The following ZNF106 variants were observed in gnomAD, a reference collection of about 807,000 sequenced individuals.
ZNF106 encodes SH3-domain binding protein 3.
Under a neutral mutation model 195.1 loss-of-function variants are expected in ZNF106, and 67 were observed. That is an observed-to-expected ratio of 0.34 (90% CI 0.28 to 0.42). The LOEUF (loss-of-function observed/expected upper bound fraction) is 0.42, where lower values mean the gene tolerates loss of function less well. Ranked by LOEUF, ZNF106 falls within the 10% of genes least tolerant of loss-of-function variation. The pLI, the probability that ZNF106 is intolerant of heterozygous loss-of-function variation, is 1.00. For synonymous variants in ZNF106, 784 were observed against 818.6 expected (o/e 0.96, Z 0.72); for missense variants, 2,118 against 2,304.5 (o/e 0.92, Z 1.66).
intron 15 of ZNF106, among the ~76,000 whole-genome samples, chr15:42,427,373 C>A (rs2054896360): frequency 6.6e-6 from 1 of 152,166 alleles, no homozygotes; most frequent in South Asian, 2.1e-4. Context: ...AAAAACTAAA[C>A]CTTATCCTGG....
chr15:42,476,647 A>G (rs983766352), intron 1 of ZNF106, among the ~76,000 whole-genome samples: 39 of 150,362 alleles, frequency 2.6e-4, no homozygotes, highest in African/African-American at 7.5e-4. Flanking sequence ...TCCATTTTGT[A>G]TATATATATA....
In ZNF106 at chr15:42,417,214, T is replaced by C; in HGVS notation, c.*90A>G. On this transcript the variant is annotated 3_prime_UTR_variant, in exon 22 of 22. Transcript: ENST00000564754. The stretch of plus-strand genomic sequence containing the variant: ...AGTAACCACTTTCTCCTTCCTTACT[T>C]CACCAAGAAAGGGAAGAGAGTGGCC... 6.9e-7 allele frequency: 1 copy of C among 1,443,712 alleles called. No individual in the cohort carries two copies. Among genetic ancestry groups the C allele is most frequent in the Non-Finnish European group, 9.7e-7 (1 of 1,033,878 alleles). 89.4% of individuals were successfully genotyped at this position (1,443,712 alleles called of 1,614,324 possible). A position where few individuals can be genotyped will look rare whatever the true frequency, so the allele number is the denominator to read the frequency against.
chr15:42,437,902 C>CAAAAAAAAAAAAAAAAAA (rs35756160), intron 12 of ZNF106, among the ~76,000 whole-genome samples: 1 of 81,082 alleles, frequency 1.2e-5, no homozygotes, highest in Non-Finnish European at 2.5e-5. Flanking sequence ...GACTCCGTCT[C>CAAAAAAAAAAAAAAAAAA]AAAAAAAAAA....
At chr15:42,473,468 A>G (rs540588981) in intron 1 of ZNF106, among the ~76,000 whole-genome samples, 1 of 152,124 alleles carries the variant, frequency 6.6e-6, no homozygotes, top group South Asian at 2.1e-4. Context: ...TGTTCACATC[A>G]CAGATCCTCC....
intron 18 of ZNF106, 101 bp from the exon 19 acceptor site, chr15:42,422,089 GCGC>G (rs1427490514): frequency 1.1e-6 from 1 of 912,052 alleles, no homozygotes; most frequent in Non-Finnish European, 1.6e-6. Context: ...CACACCTGAG[GCGC>G]CAAGTGGAAG....
intron 1 of ZNF106, among the ~76,000 whole-genome samples, chr15:42,489,949 G>C (rs779373000): frequency 7.2e-5 from 11 of 152,168 alleles, no homozygotes; most frequent in Non-Finnish European, 1.6e-4. Flanking sequence ...TGAGGCAGGA[G>C]AATCTCTTGA....
chr15:42,439,037 C>T lies in ZNF106; in HGVS notation c.4540G>A (p.Val1514Ile). 1 of 1,611,562 alleles carries T rather than the reference C, an allele frequency of 6.2e-7. No homozygotes were observed. Residue 1514 changes from valine (V) to isoleucine (I), a missense_variant, in exon 11 of 22, where the codon GTA becomes ATA. Physicochemically the swap from Val to Ile is conservative, Grantham distance 29. Transcript: ENST00000564754. ...IGTRYKDGIP[V>I]SVAETQTVIS... ...GGACCAATACAATATTCTTACCTTA[C>T]AGGGATGCCATCTTTATAGCGAGTG...
intron 3 of ZNF106, 70 bp downstream of exon 3, chr15:42,465,983 A>T: frequency 7.8e-7 from 1 of 1,282,502 alleles, no homozygotes; most frequent in South Asian, 1.4e-5. Flanking sequence ...TGCAAAACAA[A>T]CTGACAGGCA....
At chr15:42,437,564 G>A (rs1211555907) in intron 12 of ZNF106, among the ~76,000 whole-genome samples, 187 bp from the exon 13 acceptor site, 2 of 152,128 alleles carry the variant, frequency 1.3e-5, no homozygotes, top group African/African-American at 2.4e-5. Context: ...TGCATGATAA[G>A]CAAAGGCAGA....
chr15:42,421,813 T>G, intron 19 of ZNF106, 104 bp downstream of exon 19: 1 of 874,046 alleles, frequency 1.1e-6, no homozygotes, highest in East Asian at 2.5e-5. Flanking sequence ...GGAAGGTACT[T>G]AACAATGAGG....
At chr15:42,420,076 G>A (rs1351113013) in intron 20 of ZNF106, among the ~76,000 whole-genome samples, 1 of 152,168 alleles carries the variant, frequency 6.6e-6, no homozygotes, top group Non-Finnish European at 1.5e-5. Flanking sequence ...AACTCTATTT[G>A]TGTACTCTGG....
rs1427261566 is a variant in ZNF106, at chr15:42,413,444, T to A, written c.*3860A>T. On this transcript the variant is annotated 3_prime_UTR_variant, in exon 22 of 22. Transcript: ENST00000564754. The stretch of plus-strand genomic sequence containing the variant: ...TTAGGTAACAGAAACAAAATTTAGA[T>A]GTAAGCATAAACTGCAGTTATTTGA... 2.0e-5 allele frequency: 3 copies of A among 152,542 alleles called. No individual in the cohort carries two copies. Among genetic ancestry groups the A allele is most frequent in the African/African-American group, 7.2e-5 (3 of 41,452 alleles). 9.4% of individuals were successfully genotyped at this position (152,542 alleles called of 1,614,324 possible). A position where few individuals can be genotyped will look rare whatever the true frequency, so the allele number is the denominator to read the frequency against.
Position 42,448,515 on chromosome 15 carries a change from T to C in ZNF106, c.2692A>G (p.Ser898Gly). 2 of 1,614,076 alleles carry C rather than the reference T, an allele frequency of 1.2e-6. No homozygotes were observed. The highest frequency in any genetic ancestry group is 1.7e-6 in the Non-Finnish European group (2 of 1,180,008). ...CCTGTACCTTCCTCACTGAAGAAGC[T>C]ATACACAGAAGGAGCTCTGTCCATG... ...VIMDRAPSVYSFFSEEGTGKE... is the reference protein window; with the variant it reads ...VIMDRAPSVYGFFSEEGTGKE... Residue 898 changes from serine to glycine, a missense_variant, in exon 6 of 22, where the codon AGC (serine) becomes GGC (glycine). Coordinates refer to ENST00000564754, the MANE Select transcript of ZNF106 (RefSeq NM_001366845.3).
At chr15:42,420,585 T>C (rs2054620202) in intron 20 of ZNF106, among the ~76,000 whole-genome samples, 1 of 151,760 alleles carries the variant, frequency 6.6e-6, no homozygotes, top group African/African-American at 2.4e-5. Flanking sequence ...TTGTTAGAAC[T>C]GACGAAAAAA....
At chr15:42,463,768 C>G (rs1432089125) in intron 3 of ZNF106, among the ~76,000 whole-genome samples, 19 of 151,948 alleles carry the variant, frequency 1.3e-4, no homozygotes, top group Admixed American at 1.2e-3. Context: ...CCACGGCACC[C>G]CAGCCTGGTG....
chr15:42,442,388 C>A lies in ZNF106; in HGVS notation c.3448G>T (p.Asp1150Tyr), dbSNP rs756102730. ...CGTGTGAGGCTACAGGGAACCTGGT[C>A]TGGGTGCTCAGAAGGTTCATATGTT... is the stretch of plus-strand genomic sequence containing the variant. Reference protein sequence around the residue: ...QETYEPSEHPDQVPCSLTRER... With the variant: ...QETYEPSEHPYQVPCSLTRER... The change falls in exon 10 of 22, where the codon GAC (aspartate) becomes TAC (tyrosine). Residue 1150 changes from aspartate (D) to tyrosine (Y), a missense_variant. Asp to Tyr is a radical substitution (Grantham distance 160). Coordinates refer to ENST00000564754, the MANE Select transcript of ZNF106 (RefSeq NM_001366845.3). 4 of 1,613,566 alleles carry A rather than the reference C, an allele frequency of 2.5e-6. No homozygotes were observed. The Admixed American group carries it at 6.7e-5, about 27-fold the overall frequency.
Position 42,439,206 on chromosome 15 carries a change from T to C in ZNF106, c.4371A>G (p.Glu1457=), listed in dbSNP as rs935082945. The change falls in exon 11 of 22, where the codon GAA becomes GAG. Residue 1457 remains glutamate, a synonymous_variant. Coordinates refer to ENST00000564754, the MANE Select transcript of ZNF106 (RefSeq NM_001366845.3). Reference sequence around the variant, plus strand: ...ATTCTGAAGAATCAATGGCTACTACTTCTAACTGAGGATTAGGAATTTCTA... The same window carrying C: ...ATTCTGAAGAATCAATGGCTACTACCTCTAACTGAGGATTAGGAATTTCTA... ...EVLEIPNPQL[E]VVAIDSSESG... is the part of the protein sequence containing the mutation. 6.2e-7 allele frequency: 1 copy of C among 1,614,050 alleles called. No individual in the cohort carries two copies. Among genetic ancestry groups the C allele is most frequent in the Non-Finnish European group, 8.5e-7 (1 of 1,180,052 alleles).
At position 42,423,989 on chromosome 15, in the gene ZNF106, A is replaced by G. The variant is rs1417441406; in HGVS notation, c.5253+9T>C. The G allele has an allele frequency of 6.2e-7, 1 of 1,605,320 alleles. No homozygotes were observed. Among genetic ancestry groups the G allele is most frequent in the Non-Finnish European group, 8.5e-7 (1 of 1,177,230 alleles). ...CACAGTTTCTTTACACAACACCAAC[A>G]CAGCTTACGTGAATGTTGTGAGCAT... On this transcript the variant is annotated intron_variant, in intron 17 of 21. Coordinates refer to ENST00000564754, the MANE Select transcript of ZNF106 (RefSeq NM_001366845.3).
At chr15:42,424,429 G>A (rs777475291) in intron 16 of ZNF106, 1 of 274,218 alleles carries the variant, frequency 3.6e-6, no homozygotes, top group Admixed American at 4.8e-5. Flanking sequence ...TTCCAAGGTG[G>A]TGCTTCTAAA....
Sources: gnomAD v4.1 joint callset for allele counts (sites outside exome capture counted in the v4.1 genomes callset) on GRCh38, gnomAD v4.1.1 for gene constraint, MANE v1.5 for transcripts, NCBI Gene and HGNC (gene_info 2026-07-23, HGNC 2026-07-21) for gene names.